Variants in USP35 observed in about 807,000 individuals in gnomAD.
USP35 encodes ubiquitin carboxyl-terminal hydrolase 35.
USP35 carries 69 observed loss-of-function variants against 83.8 expected under a neutral mutation model. The observed-to-expected ratio is 0.82, with a 90% CI of 0.68 to 1.01. The LOEUF (loss-of-function observed/expected upper bound fraction) is 1.01, where lower values mean the gene tolerates loss of function less well. Among genes scored for constraint, USP35 ranks in the 50% least tolerant of loss-of-function variants. The pLI, the probability that USP35 is intolerant of heterozygous loss-of-function variation, is 0.00. For synonymous variants in USP35, 714 were observed against 589.5 expected, an observed-to-expected ratio of 1.21 and a Z score of -3.06; for missense variants, 1,503 against 1,362.5, an observed-to-expected ratio of 1.10 and a Z score of -1.62.
rs3841466 is a variant in USP35, at chr11:78,214,497, T to TG, written c.*685dup. 0.23 allele frequency: 34,691 copies of TG among 151,878 alleles called. 4,296 individuals are homozygous for TG. Among genetic ancestry groups the TG allele is most frequent in the East Asian group, 0.4 (2,059 of 5,148 alleles). The allele number at this position is 151,878 out of a possible 1,614,324, so 9.4% of individuals were successfully genotyped here. A position where few individuals can be genotyped will look rare whatever the true frequency, so the allele number is the denominator to read the frequency against. ...TGTATCCCCCTTGTGGTTAGAGTCC[T>TG]GATTTTACTGCAAAGGTGTTCATGT... On this transcript the variant is annotated 3_prime_UTR_variant, in exon 11 of 11. Coordinates refer to ENST00000529308, the MANE Select transcript of USP35 (RefSeq NM_020798.4).
the USP35 span, among the ~76,000 whole-genome samples, chr11:78,230,375 C>T: frequency 1.3e-5 from 2 of 152,234 alleles, no homozygotes; most frequent in East Asian, 1.9e-4. Flanking sequence ...ACTCACCTCC[C>T]TGTGGAACGC....
chr11:78,231,431 C>T, the USP35 span, among the ~76,000 whole-genome samples: 1 of 151,970 alleles, frequency 6.6e-6, no homozygotes, highest in Non-Finnish European at 1.5e-5. Context: ...TCACTGCAAC[C>T]TCCGCCTCCT....
At chr11:78,226,994 A>C in the USP35 span, 1 of 1,613,782 alleles carries the variant, frequency 6.2e-7, no homozygotes, top group Non-Finnish European at 8.5e-7. Context: ...GTTTTTGTAC[A>C]GCTGTGTCAC....
chr11:78,201,897 G>A (rs1269685063), intron 6 of USP35, among the ~76,000 whole-genome samples: 1 of 152,106 alleles, frequency 6.6e-6, no homozygotes, highest in African/African-American at 2.4e-5. Flanking sequence ...CTAGGTAGGT[G>A]GCCCTTGCAG....
intron 7 of USP35, chr11:78,207,232 G>A (rs1863555442): frequency 3.6e-6 from 1 of 281,238 alleles, no homozygotes; most frequent in Non-Finnish European, 6.8e-6. Context: ...CAGGACCTTA[G>A]GACGTTTGAA....
At chr11:78,198,121 C>T in intron 3 of USP35, 53 bp downstream of exon 3, 3 of 1,608,904 alleles carry the variant, frequency 1.9e-6, no homozygotes, top group Non-Finnish European at 2.5e-6. Flanking sequence ...CCCTCTCTTC[C>T]TCTCAGAAGC....
the USP35 span, chr11:78,225,268 C>A: frequency 9.5e-7 from 1 of 1,051,724 alleles, no homozygotes; most frequent in Non-Finnish European, 1.5e-6. Flanking sequence ...TACCCATACC[C>A]TCACCAGTGT....
At chr11:78,233,646 G>A in the USP35 span, among the ~76,000 whole-genome samples, 23 of 152,120 alleles carry the variant, frequency 1.5e-4, no homozygotes, top group Admixed American at 5.9e-4. Flanking sequence ...TCACTCTGTC[G>A]CCCAAGCTAG....
At chr11:78,219,531 T>G, downstream of USP35, 1 of 902,658 alleles carries the variant, frequency 1.1e-6, no homozygotes, top group Non-Finnish European at 1.8e-6. Context: ...GCATGGCCTC[T>G]GCCTGCCACT....
the USP35 span, among the ~76,000 whole-genome samples, chr11:78,229,029 G>A: frequency 0.25 from 37,813 of 152,028 alleles, 5,442 homozygotes; most frequent in East Asian, 0.4. Flanking sequence ...CACCTGCCCA[G>A]TGAGGGGTGG....
At chr11:78,223,748 T>C in the USP35 span, 1 of 1,292,392 alleles carries the variant, frequency 7.7e-7, no homozygotes, top group Non-Finnish European at 1.1e-6. Context: ...TAAGACTTTG[T>C]AAATGAGGCA....
At chr11:78,236,370 C>T in the USP35 span, among the ~76,000 whole-genome samples, 1 of 152,118 alleles carries the variant, frequency 6.6e-6, no homozygotes, top group Non-Finnish European at 1.5e-5. Context: ...AGGCTGGTCT[C>T]GAACTCTTGA....
At chr11:78,195,510 C>A (rs1196756591) in intron 1 of USP35, among the ~76,000 whole-genome samples, 37 of 152,156 alleles carry the variant, frequency 2.4e-4, no homozygotes, top group Admixed American at 2.4e-3. Context: ...TGCCCTTTCT[C>A]CACAGAGGTG....
the USP35 span, among the ~76,000 whole-genome samples, chr11:78,231,536 G>A: frequency 6.6e-6 from 1 of 152,212 alleles, no homozygotes; most frequent in Admixed American, 6.5e-5. Context: ...ATTTAGTAGA[G>A]ACGGGGTTTC....
chr11:78,228,153 A>G, the USP35 span, among the ~76,000 whole-genome samples: 2 of 152,176 alleles, frequency 1.3e-5, no homozygotes, highest in Non-Finnish European at 2.9e-5. Context: ...AATGATTTCT[A>G]AGGGCCCATC....
chr11:78,204,277 G>C (rs989197860), intron 6 of USP35, among the ~76,000 whole-genome samples: 1 of 152,216 alleles, frequency 6.6e-6, no homozygotes, highest in Non-Finnish European at 1.5e-5. Flanking sequence ...GAGAGGCAAG[G>C]CAGCAAATTA....
rs573659739 is a variant in USP35, at chr11:78,189,055, G to C, written c.-113G>C. ...CCTGGCTGAGGGCGTCCCCACCCTG[G>C]GGGGAGCAGAGGACCAGCCCTGACC... On this transcript the variant is annotated 5_prime_UTR_variant, in exon 1 of 11. Coordinates refer to ENST00000529308, the MANE Select transcript of USP35 (RefSeq NM_020798.4). The C allele has an allele frequency of 1.2e-3, 907 of 749,130 alleles. 17 individuals carry two copies. The highest frequency in any genetic ancestry group is 7.3e-3 in the Middle Eastern group (11 of 1,514). 46.4% of individuals were successfully genotyped at this position (749,130 alleles called of 1,614,324 possible).
rs763258778 is a variant in USP35 at position 78,213,975 on chromosome 11, T to A, written c.*162T>A. The A allele has an allele frequency of 4.6e-5, 34 of 738,254 alleles. No individual in the cohort carries two copies. Among genetic ancestry groups the A allele is most frequent in the Non-Finnish European group, 6.0e-5 (30 of 502,474 alleles). The allele number at this position is 738,254 out of a possible 1,614,324, so 45.7% of individuals were successfully genotyped here. A position where few individuals can be genotyped will look rare whatever the true frequency, so the allele number is the denominator to read the frequency against. The stretch of plus-strand genomic sequence containing the variant: ...ACAGAGATTCTCTCAGATATGGAAG[T>A]AAGACCTAAGTCCCTTTCATTGGGG... On this transcript the variant is annotated 3_prime_UTR_variant, in exon 11 of 11. Coordinates refer to ENST00000529308, the MANE Select transcript of USP35 (RefSeq NM_020798.4).
the USP35 span, among the ~76,000 whole-genome samples, chr11:78,229,505 CT>C: frequency 2.6e-5 from 4 of 152,176 alleles, no homozygotes; most frequent in Non-Finnish European, 1.5e-5. Flanking sequence ...CTCTGGAACT[CT>C]TCTCCTCCTG....
Sources: gnomAD v4.1 joint callset for allele counts (sites outside exome capture counted in the v4.1 genomes callset) on GRCh38, gnomAD v4.1.1 for gene constraint, MANE v1.5 for transcripts, NCBI Gene and HGNC (gene_info 2026-07-23, HGNC 2026-07-21) for gene names.